The following FLT1 variants were observed in gnomAD, a reference collection of about 807,000 sequenced individuals.
The protein encoded by FLT1 is fms related receptor tyrosine kinase 1.
In FLT1, 49 loss-of-function variants were observed where a neutral mutation model predicts 156.3. The ratio of observed to expected loss-of-function variants is 0.31; its 90% CI spans 0.25 to 0.40. The LOEUF is 0.40. Ranked by LOEUF, FLT1 falls within the 10% of genes least tolerant of loss-of-function variation. The pLI is 1.00. For synonymous variants in FLT1, 594 were observed against 583.8 expected, an observed-to-expected ratio of 1.02 and a Z score of -0.25; for missense variants, 1,322 against 1,637.2, an observed-to-expected ratio of 0.81 and a Z score of 3.32.
Position 28,427,826 on chromosome 13 carries a change from C to A in FLT1, c.1202G>T (p.Gly401Val), listed in dbSNP as rs2137540024. ...TATGCTCAGCAAGATTGTATAATTCCCTGCATCCTCTTCAGTTACGTCCTT... is the reference window on the plus strand; with the variant it reads ...TATGCTCAGCAAGATTGTATAATTCACTGCATCCTCTTCAGTTACGTCCTT... ...IIKDVTEEDAGNYTILLSIKQ... is the reference protein window; with the variant it reads ...IIKDVTEEDAVNYTILLSIKQ... Residue 401 changes from glycine to valine, a missense_variant, in exon 9 of 30, where the codon GGG becomes GTG. Around this residue, in one of 3 missense-constraint regions of FLT1, gnomAD observed 991 missense variants for 1,254.8 expected, o/e 0.79. Transcript: ENST00000282397. 6.2e-7 allele frequency: 1 copy of A among 1,613,740 alleles called. No individual in the cohort carries two copies. The highest frequency in any genetic ancestry group is 8.5e-7 in the Non-Finnish European group (1 of 1,179,758).
At chr13:28,372,188 C>G (rs1873636233) in intron 14 of FLT1, among the ~76,000 whole-genome samples, 1 of 146,424 alleles carries the variant, frequency 6.8e-6, no homozygotes, top group Non-Finnish European at 1.5e-5. Flanking sequence ...TTCAAGCAAT[C>G]CTCCTAGCTC....
At chr13:28,376,043 A>G (rs181094264) in intron 14 of FLT1, among the ~76,000 whole-genome samples, 390 of 152,310 alleles carry the variant, frequency 2.6e-3, no homozygotes, top group Non-Finnish European at 4.7e-3. Context: ...CTGGGTATTA[A>G]CAGCCTCATT....
chr13:28,393,772 A>C (rs1874877333), intron 12 of FLT1, among the ~76,000 whole-genome samples: 1 of 152,064 alleles, frequency 6.6e-6, no homozygotes, highest in South Asian at 2.1e-4. Flanking sequence ...TTTTTTGTAG[A>C]GACAGGATTT....
At position 28,431,232 on chromosome 13, in the gene FLT1, T is replaced by C. The variant is rs1432734867; in HGVS notation, c.892A>G (p.Ile298Val). The C allele has an allele frequency of 1.2e-6, 2 of 1,613,258 alleles. No individual in the cohort carries two copies. The highest frequency in any genetic ancestry group is 1.7e-6 in the Non-Finnish European group (2 of 1,179,172). Residue 298 changes from isoleucine (I) to valine (V), a missense_variant, in exon 7 of 30, where the codon ATT becomes GTT. Physicochemically the swap from Ile to Val is conservative, Grantham distance 29 (BLOSUM62 3). Coordinates refer to ENST00000282397, the MANE Select transcript of FLT1 (RefSeq NM_002019.4). ...TTGTCTTTGTTCTGCATTTTGTCAA[T>C]AGTAAGAACACTGTAGAATATGTTG... ...HANIFYSVLTIDKMQNKDKGL... is the reference protein window; with the variant it reads ...HANIFYSVLTVDKMQNKDKGL...
chr13:28,408,601 A>C (rs1708059063), intron 10 of FLT1, among the ~76,000 whole-genome samples: 1 of 152,180 alleles, frequency 6.6e-6, no homozygotes, highest in Admixed American at 6.5e-5. Context: ...TTGAAGATGC[A>C]AAGATAATCA....
intron 3 of FLT1, among the ~76,000 whole-genome samples, chr13:28,440,161 AC>A (rs1208064683): frequency 6.6e-6 from 1 of 152,146 alleles, no homozygotes; most frequent in African/African-American, 2.4e-5. Context: ...TGATTCTGTT[AC>A]AACACGGTCC....
chr13:28,402,749 A>T (rs1875528455), intron 11 of FLT1, among the ~76,000 whole-genome samples: 1 of 151,992 alleles, frequency 6.6e-6, no homozygotes, highest in Admixed American at 6.6e-5. Flanking sequence ...CTTTCTCATT[A>T]TGTTATGTTA....
At chr13:28,461,262 A>AAT (rs1879562045) in intron 3 of FLT1, among the ~76,000 whole-genome samples, 1 of 152,192 alleles carries the variant, frequency 6.6e-6, no homozygotes, top group Admixed American at 6.5e-5. Context: ...AAAAGAATAA[A>AAT]TTTGAGATTA....
chr13:28,345,639 C>T (rs909135525), intron 15 of FLT1, 88 bp from the exon 16 acceptor site: 7 of 837,574 alleles, frequency 8.4e-6, no homozygotes, highest in South Asian at 2.9e-5. Context: ...GGCTCAGTTT[C>T]CCTAAATGGT....
chr13:28,474,347 C>G (rs112152732), intron 1 of FLT1, among the ~76,000 whole-genome samples: 4,575 of 151,870 alleles, frequency 0.03, 243 homozygotes, highest in African/African-American at 0.1. Flanking sequence ...TCCCAGCTAC[C>G]TGGGAGGCTG....
chr13:28,370,731 A>G (rs1873522016), intron 14 of FLT1, among the ~76,000 whole-genome samples: 2 of 152,154 alleles, frequency 1.3e-5, no homozygotes, highest in South Asian at 4.1e-4. Flanking sequence ...TTTATTTGTA[A>G]ACTGTGAACA....
intron 14 of FLT1, among the ~76,000 whole-genome samples, chr13:28,382,138 G>A (rs774773931): frequency 6.6e-6 from 1 of 152,188 alleles, no homozygotes. Flanking sequence ...CTCAGCAAGA[G>A]AGAAGTAGAA....
intron 22 of FLT1, among the ~76,000 whole-genome samples, chr13:28,321,914 G>A (rs1366647735): frequency 6.6e-6 from 1 of 152,184 alleles, no homozygotes; most frequent in Non-Finnish European, 1.5e-5. Flanking sequence ...CTGCAGTTTT[G>A]TGGGAGGGCC....
At position 28,439,168 on chromosome 13, in the gene FLT1, C is replaced by A. The variant is rs373719711; in HGVS notation, c.389-823G>T. ...AACTCCTCAGGGAACCAGAATGAGTCCAAGATCCTTTTAGAAACATTCTCA... is the reference window on the plus strand; with the variant it reads ...AACTCCTCAGGGAACCAGAATGAGTACAAGATCCTTTTAGAAACATTCTCA... On this transcript the variant is annotated intron_variant, in intron 3 of 29. Transcript: ENST00000282397. The surrounding 1 kb of genome is among the most constrained non-coding windows in gnomAD (Gnocchi z 4.1). 7.2e-5 allele frequency among the ~76,000 whole-genome samples: 11 copies of A among 152,290 alleles called. No individual in the cohort carries two copies. In the South Asian group the frequency reaches 1.2e-3, roughly 17 times the overall value.
intron 14 of FLT1, among the ~76,000 whole-genome samples, chr13:28,382,285 A>T (rs1593727068): frequency 1.3e-5 from 2 of 152,230 alleles, no homozygotes; most frequent in East Asian, 1.9e-4. Flanking sequence ...CCAGGCGGAG[A>T]GTAAACAGGA....
chr13:28,382,323 A>C (rs993651468), intron 14 of FLT1, among the ~76,000 whole-genome samples: 3 of 152,236 alleles, frequency 2.0e-5, no homozygotes, highest in Admixed American at 2.0e-4. Context: ...GAGTTTAAAC[A>C]GCATAATGTC....
At position 28,350,815 on chromosome 13, in the gene FLT1, C is replaced by T. The variant is rs542774066; in HGVS notation, c.2249-5264G>A. ...TGGAGATAACAGCCCCTTCCTCACA[C>T]GTGAATTGTGTTAACTTAGTGTTAG... is the stretch of plus-strand genomic sequence containing the variant. On this transcript the variant is annotated intron_variant, in intron 15 of 29. Transcript: ENST00000282397. 6.4e-4 allele frequency among the ~76,000 whole-genome samples: 98 copies of T among 152,230 alleles called. 1 individual carries two copies. The highest frequency in any genetic ancestry group is 2.0e-3 in the African/African-American group (82 of 41,530).
intron 6 of FLT1, among the ~76,000 whole-genome samples, chr13:28,432,897 A>C (rs1877781409): frequency 6.6e-6 from 1 of 152,224 alleles, no homozygotes; most frequent in Non-Finnish European, 1.5e-5. Context: ...ATGAAACAAT[A>C]CCTCTCCTAG....
At position 28,389,387 on chromosome 13, in the gene FLT1, G is replaced by T. The variant is rs150133515; in HGVS notation, c.1969+409C>A. On this transcript the variant is annotated intron_variant, in intron 13 of 29. Coordinates refer to ENST00000282397, the MANE Select transcript of FLT1 (RefSeq NM_002019.4). ...CAGCTTCAACACTTAAAAATAAAAA[G>T]AGGTTGGCATCAAAATGGAAGGAAA... The T allele has an allele frequency of 2.4e-6, 3 of 1,266,436 alleles. No homozygotes were observed. The South Asian group carries it at 1.1e-4, about 45-fold the overall frequency. The allele number at this position is 1,266,436 out of a possible 1,614,324, so 78.4% of individuals were successfully genotyped here.
Sources: gnomAD v4.1 joint callset for allele counts (sites outside exome capture counted in the v4.1 genomes callset) on GRCh38, gnomAD v4.1.1 for gene constraint, gnomAD v4.1.1 regional missense constraint, Gnocchi (gnomAD v3.1) non-coding constraint, MANE v1.5 for transcripts, NCBI Gene and HGNC (gene_info 2026-07-23, HGNC 2026-07-21) for gene names.